Variants in DLGAP2 observed in about 807,000 individuals in gnomAD.
The protein encoded by DLGAP2 is disks large-associated protein 2.
A neutral mutation model predicts 100.3 loss-of-function variants in DLGAP2; 26 were observed. The observed-to-expected ratio is 0.26, with a 90% CI of 0.19 to 0.36. The LOEUF (loss-of-function observed/expected upper bound fraction) is 0.36, where lower values mean the gene tolerates loss of function less well. Among genes scored for constraint, DLGAP2 ranks in the 10% least tolerant of loss-of-function variants. The pLI, the probability that DLGAP2 is intolerant of heterozygous loss-of-function variation, is 1.00. For missense variants in DLGAP2, 1,858 were observed against 1,453.2 expected (o/e 1.28, Z -4.53); for synonymous variants, 886 against 630.1 (o/e 1.41, Z -6.08).
Position 1,585,891 on chromosome 8 carries a change from T to C in DLGAP2, c.1442+19997T>C, listed in dbSNP as rs551347490. On this transcript the variant is annotated intron_variant, in intron 6 of 14. Coordinates refer to ENST00000637795, the MANE Select transcript of DLGAP2 (RefSeq NM_001346810.2). The stretch of plus-strand genomic sequence containing the variant: ...TCTCTGGCATGTCCATCGCCAGGGG[T>C]TTCCACTGCCCATGACTTTATCCTG... 9.2e-5 allele frequency among the ~76,000 whole-genome samples: 14 copies of C among 152,286 alleles called. No homozygotes were observed. In the East Asian group the frequency reaches 2.7e-3, roughly 29 times the overall value.
Position 737,725 on chromosome 8 carries a change from C to G in DLGAP2, c.-83C>G. 2.7e-6 allele frequency: 1 copy of G among 374,400 alleles called. No homozygotes were observed. Among genetic ancestry groups the G allele is most frequent in the Admixed American group, 4.6e-5 (1 of 21,834 alleles). 23.2% of individuals were successfully genotyped at this position (374,400 alleles called of 1,614,324 possible). On this transcript the variant is annotated 5_prime_UTR_variant, in exon 1 of 15. Coordinates refer to ENST00000637795, the MANE Select transcript of DLGAP2 (RefSeq NM_001346810.2). ...CGCGGACGGACGTACTGACCCCAACCCGCGAGCCCCGGGAGCCGTCGGTCT... is the reference window on the plus strand; with the variant it reads ...CGCGGACGGACGTACTGACCCCAACGCGCGAGCCCCGGGAGCCGTCGGTCT...
At chr8:1,325,689 G>C (rs747197092) in intron 3 of DLGAP2, among the ~76,000 whole-genome samples, 1 of 152,194 alleles carries the variant, frequency 6.6e-6, no homozygotes, top group Non-Finnish European at 1.5e-5. Flanking sequence ...TATTCCTCTC[G>C]CGTGTGCTGC....
chr8:755,095 C>A lies in DLGAP2; in HGVS notation c.18+17270C>A, dbSNP rs1408392185. Among the ~76,000 whole-genome samples, 3 of 152,228 alleles carry A rather than the reference C, an allele frequency of 2.0e-5. No homozygotes were observed. The East Asian group carries it at 5.8e-4, about 29-fold the overall frequency. ...ATTTGATGTATTTACCAATAACCCC[C>A]AGTGTGTCCCTCACTGGGTTTGGCC... On this transcript the variant is annotated intron_variant, in intron 1 of 14. Coordinates refer to ENST00000637795, the MANE Select transcript of DLGAP2 (RefSeq NM_001346810.2).
intron 2 of DLGAP2, among the ~76,000 whole-genome samples, chr8:1,186,604 G>C (rs933830753): frequency 6.6e-6 from 1 of 152,180 alleles, no homozygotes; most frequent in African/African-American, 2.4e-5. Flanking sequence ...GGGGGGTGCG[G>C]TGTCTTCTGA....
At chr8:950,045 G>T (rs1411930289) in intron 2 of DLGAP2, among the ~76,000 whole-genome samples, 1 of 152,162 alleles carries the variant, frequency 6.6e-6, no homozygotes, top group African/African-American at 2.4e-5. Flanking sequence ...CTTCTCCAGG[G>T]GACCCAGGTC....
chr8:763,443 A>G (rs976123315), intron 1 of DLGAP2, among the ~76,000 whole-genome samples: 1 of 152,124 alleles, frequency 6.6e-6, no homozygotes, highest in Non-Finnish European at 1.5e-5. Context: ...CTGCTGTTAG[A>G]AGTTGTTAAA....
chr8:1,660,181 C>G (rs1002371838), intron 8 of DLGAP2, among the ~76,000 whole-genome samples: 2 of 152,204 alleles, frequency 1.3e-5, no homozygotes, highest in African/African-American at 4.8e-5. Flanking sequence ...CCACTCTCTT[C>G]TGGCTTGTAG....
intron 2 of DLGAP2, among the ~76,000 whole-genome samples, chr8:1,088,729 A>T (rs1471876134): frequency 1.4e-5 from 2 of 138,678 alleles, no homozygotes; most frequent in Non-Finnish European, 3.1e-5. Flanking sequence ...AGGCTATGCA[A>T]TTCTCACTCT....
chr8:1,547,253 C>T (rs35592989), intron 4 of DLGAP2, among the ~76,000 whole-genome samples: 68,826 of 151,958 alleles, frequency 0.45, 15,709 homozygotes, highest in East Asian at 0.57. Flanking sequence ...CGGGATGGCC[C>T]GTGGCTGTCA....
At chr8:834,099 C>T (rs1796829326) in intron 1 of DLGAP2, among the ~76,000 whole-genome samples, 1 of 152,170 alleles carries the variant, frequency 6.6e-6, no homozygotes, top group African/African-American at 2.4e-5. Flanking sequence ...ATCACGTTCC[C>T]AGGCAACTCA....
chr8:744,941 C>T (rs922593549), intron 1 of DLGAP2, among the ~76,000 whole-genome samples: 12 of 152,218 alleles, frequency 7.9e-5, no homozygotes, highest in African/African-American at 2.7e-4. Flanking sequence ...AGTCTGTCCG[C>T]ATGCTGTCCT....
chr8:817,554 C>T (rs1395919743), intron 1 of DLGAP2, among the ~76,000 whole-genome samples: 3 of 152,098 alleles, frequency 2.0e-5, no homozygotes, highest in Non-Finnish European at 4.4e-5. Context: ...TATCCTGTTA[C>T]CAGAATTGTT....
At position 1,548,967 on chromosome 8, in the gene DLGAP2, A is replaced by C; in HGVS notation, c.514A>C (p.Thr172Pro). The C allele has an allele frequency of 6.3e-7, 1 of 1,598,958 alleles. No individual in the cohort carries two copies. Among genetic ancestry groups the C allele is most frequent in the Non-Finnish European group, 8.5e-7 (1 of 1,179,436 alleles). Residue 172 changes from threonine (T) to proline (P), a missense_variant, in exon 5 of 15, where the codon ACG (threonine) becomes CCG (proline). Transcript: ENST00000637795. ...GATGCACTACAGCTCGCACTACGACACGCGCGACGACTGCGCTGTGGCCCA... is the reference window on the plus strand; with the variant it reads ...GATGCACTACAGCTCGCACTACGACCCGCGCGACGACTGCGCTGTGGCCCA... Reference protein sequence around the residue: ...PRMHYSSHYDTRDDCAVAHAG... With the variant: ...PRMHYSSHYDPRDDCAVAHAG...
At chr8:1,245,681 G>A (rs186561258) in intron 2 of DLGAP2, among the ~76,000 whole-genome samples, 1 of 152,236 alleles carries the variant, frequency 6.6e-6, no homozygotes, top group South Asian at 2.1e-4. Flanking sequence ...AGCTCTGTGA[G>A]TATGCTATTG....
Position 1,209,367 on chromosome 8 carries a change from G to A in DLGAP2, c.74-49484G>A, listed in dbSNP as rs576680368. Among the ~76,000 whole-genome samples the A allele has an allele frequency of 2.6e-5, 4 of 152,138 alleles. No individual in the cohort carries two copies. The South Asian group carries it at 6.2e-4, about 24-fold the overall frequency. On this transcript the variant is annotated intron_variant, in intron 2 of 14. Coordinates refer to ENST00000637795, the MANE Select transcript of DLGAP2 (RefSeq NM_001346810.2). Reference sequence around the variant, plus strand: ...GAGTGTAATTTTTCTTTATGGGTTCGTTTATTTGTTTATTAGCTTTTTCCT... The same window carrying A: ...GAGTGTAATTTTTCTTTATGGGTTCATTTATTTGTTTATTAGCTTTTTCCT...
At chr8:891,235 G>C (rs553526023) in intron 1 of DLGAP2, 1 of 152,612 alleles carries the variant, frequency 6.6e-6, no homozygotes, top group African/African-American at 2.4e-5. Flanking sequence ...TGGCGACCAG[G>C]ACCAGGCGTG....
chr8:1,319,207 G>A (rs934757700), intron 3 of DLGAP2, among the ~76,000 whole-genome samples: 10 of 152,128 alleles, frequency 6.6e-5, no homozygotes, highest in Non-Finnish European at 1.2e-4. Context: ...TGGTCAGGGC[G>A]TCTGCTGCCA....
chr8:1,348,542 G>T (rs918716349), intron 3 of DLGAP2, among the ~76,000 whole-genome samples: 1 of 150,496 alleles, frequency 6.6e-6, no homozygotes, highest in Non-Finnish European at 1.5e-5. Flanking sequence ...TTCCCACATA[G>T]AGCTGCATTG....
At chr8:1,374,602 C>T (rs763623988) in intron 3 of DLGAP2, among the ~76,000 whole-genome samples, 1 of 152,260 alleles carries the variant, frequency 6.6e-6, no homozygotes, top group East Asian at 1.9e-4. Context: ...TGTGATGTAA[C>T]CATGTGGCAG....
Sources: allele counts gnomAD v4.1 joint callset (sites outside exome capture counted in the v4.1 genomes callset), GRCh38; gene constraint gnomAD v4.1.1; transcripts MANE v1.5; gene names NCBI Gene and HGNC (gene_info 2026-07-23, HGNC 2026-07-21).